KCNIP1: variants seen among roughly 807,000 people sequenced by gnomAD.
The protein encoded by KCNIP1 is A-type potassium channel modulatory protein KCNIP1.
In KCNIP1, 18 loss-of-function variants were observed where a neutral mutation model predicts 33.0. The ratio of observed to expected loss-of-function variants is 0.55; its 90% CI spans 0.38 to 0.81. KCNIP1 has a LOEUF of 0.81. KCNIP1 is among the 30% of genes least tolerant of loss of function. The pLI, the probability that KCNIP1 is intolerant of heterozygous loss-of-function variation, is 0.00. For missense variants in KCNIP1, 238 were observed against 271.6 expected (o/e 0.88, Z 0.87); for synonymous variants, 93 against 98.3 (o/e 0.95, Z 0.32).
chr5:170,591,416 C>T (rs1758258059), intron 1 of KCNIP1, among the ~76,000 whole-genome samples: 2 of 152,084 alleles, frequency 1.3e-5, no homozygotes, highest in South Asian at 4.1e-4. Context: ...GTCGAGATCT[C>T]CCAGTTCGTT....
intron 1 of KCNIP1, among the ~76,000 whole-genome samples, chr5:170,357,873 C>T (rs149865422): frequency 3.7e-4 from 57 of 152,316 alleles, no homozygotes; most frequent in African/African-American, 1.2e-3. Flanking sequence ...AACTTGTTTT[C>T]TTAAGGGCCT....
intron 1 of KCNIP1, among the ~76,000 whole-genome samples, chr5:170,477,297 GTA>G (rs201011160): frequency 0.012 from 1,767 of 150,078 alleles, 46 homozygotes; most frequent in African/African-American, 0.04. Context: ...GGATGTGTGT[GTA>G]TATATATATA....
intron 1 of KCNIP1, among the ~76,000 whole-genome samples, chr5:170,696,315 C>T (rs550351807): frequency 1.3e-5 from 2 of 152,226 alleles, no homozygotes; most frequent in East Asian, 3.9e-4. Context: ...TATTTGGGAC[C>T]ATGTTGCTGA....
chr5:170,653,365 A>C (rs140497558), intron 1 of KCNIP1, among the ~76,000 whole-genome samples: 1 of 152,166 alleles, frequency 6.6e-6, no homozygotes, highest in East Asian at 1.9e-4. Context: ...TCACGAACAT[A>C]TCTTCTCCTT....
intron 1 of KCNIP1, among the ~76,000 whole-genome samples, chr5:170,413,439 C>G (rs1013697546): frequency 2.0e-5 from 3 of 152,184 alleles, no homozygotes; most frequent in African/African-American, 7.2e-5. Flanking sequence ...CTAGAAAGAA[C>G]ACTAGGTCTT....
intron 2 of KCNIP1, among the ~76,000 whole-genome samples, chr5:170,719,730 G>A (rs1763753295): frequency 6.6e-6 from 1 of 152,192 alleles, no homozygotes; most frequent in African/African-American, 2.4e-5. Context: ...GTGCTGGGAT[G>A]CCTCTTCCTT....
intron 1 of KCNIP1, among the ~76,000 whole-genome samples, chr5:170,434,776 G>A (rs990865521): frequency 3.3e-5 from 5 of 152,276 alleles, no homozygotes; most frequent in Non-Finnish European, 7.4e-5. Context: ...TCAACATGGT[G>A]AAACCCCATC....
intron 1 of KCNIP1, among the ~76,000 whole-genome samples, chr5:170,520,764 G>C (rs1168621129): frequency 1.3e-5 from 2 of 152,204 alleles, no homozygotes; most frequent in Non-Finnish European, 2.9e-5. Context: ...GGACTCTGGG[G>C]CTGACATGCA....
intron 1 of KCNIP1, among the ~76,000 whole-genome samples, chr5:170,431,874 C>G (rs895856172): frequency 6.6e-6 from 1 of 152,242 alleles, no homozygotes; most frequent in East Asian, 1.9e-4. Flanking sequence ...TCTGTCTCTG[C>G]CTCTCCACTG....
chr5:170,629,008 A>G (rs1759946664), intron 1 of KCNIP1, among the ~76,000 whole-genome samples: 1 of 152,160 alleles, frequency 6.6e-6, no homozygotes, highest in Non-Finnish European at 1.5e-5. Context: ...CTCTCCATCT[A>G]TCATGCCACA....
chr5:170,654,588 G>A (rs1380537087), intron 1 of KCNIP1, among the ~76,000 whole-genome samples: 4 of 152,130 alleles, frequency 2.6e-5, no homozygotes, highest in Admixed American at 2.0e-4. Context: ...CAAAGTATTC[G>A]TTCCAGCTAC....
chr5:170,400,019 A>G (rs1486498548), intron 1 of KCNIP1, among the ~76,000 whole-genome samples: 2 of 152,158 alleles, frequency 1.3e-5, no homozygotes, highest in African/African-American at 4.8e-5. Context: ...TTGGTGAGCC[A>G]TGTGAGCTCA....
chr5:170,433,826 G>A (rs1225718904), intron 1 of KCNIP1, among the ~76,000 whole-genome samples: 1 of 152,144 alleles, frequency 6.6e-6, no homozygotes, highest in Non-Finnish European at 1.5e-5. Context: ...GGACGTTGAG[G>A]CTCAGAACAA....
At chr5:170,682,959 T>C (rs1375780164) in intron 1 of KCNIP1, among the ~76,000 whole-genome samples, 1 of 152,106 alleles carries the variant, frequency 6.6e-6, no homozygotes, top group Non-Finnish European at 1.5e-5. Flanking sequence ...AGGCTAAAGT[T>C]GCAGTAGAAA....
chr5:170,703,477 A>T (rs1187867677), intron 1 of KCNIP1, among the ~76,000 whole-genome samples: 2 of 137,982 alleles, frequency 1.4e-5, no homozygotes, highest in Non-Finnish European at 3.0e-5. Flanking sequence ...TTCACACTTA[A>T]ATGAAGTGAA....
chr5:170,505,005 G>T (rs1254110025), intron 1 of KCNIP1, among the ~76,000 whole-genome samples: 3 of 152,202 alleles, frequency 2.0e-5, no homozygotes, highest in Non-Finnish European at 4.4e-5. Context: ...TGAGCACTCA[G>T]TGAGGGTGCT....
At chr5:170,648,560 G>A (rs563604237) in intron 1 of KCNIP1, among the ~76,000 whole-genome samples, 1 of 152,266 alleles carries the variant, frequency 6.6e-6, no homozygotes, top group African/African-American at 2.4e-5. Context: ...ATGGAAAAAA[G>A]CAAAACTATG....
intron 1 of KCNIP1, among the ~76,000 whole-genome samples, chr5:170,630,095 TG>T (rs1759998120): frequency 6.6e-6 from 1 of 152,184 alleles, no homozygotes; most frequent in Admixed American, 6.5e-5. Context: ...GAGTCCCTGG[TG>T]ACTATTAGGT....
chr5:170,382,842 G>A (rs573843057), intron 1 of KCNIP1: 3 of 152,380 alleles, frequency 2.0e-5, no homozygotes, highest in African/African-American at 7.2e-5. Context: ...GCTAGGCACT[G>A]TTCATGCATG....
Sources: gnomAD v4.1 joint callset for allele counts (sites outside exome capture counted in the v4.1 genomes callset) on GRCh38, gnomAD v4.1.1 for gene constraint, MANE v1.5 for transcripts, NCBI Gene and HGNC (gene_info 2026-07-23, HGNC 2026-07-21) for gene names.